The following ENPP1 variants were observed in gnomAD, a reference collection of about 807,000 sequenced individuals.
ENPP1 encodes ectonucleotide pyrophosphatase/phosphodiesterase 1.
A neutral mutation model predicts 122.8 loss-of-function variants in ENPP1; 73 were observed. That is an observed-to-expected ratio of 0.59 (90% CI 0.49 to 0.72). The LOEUF is 0.72. Ranked by LOEUF, ENPP1 falls within the 30% of genes least tolerant of loss-of-function variation. ENPP1 has a pLI of 0.00. For missense variants in ENPP1, 978 were observed against 1,128.1 expected (o/e 0.87, Z 1.91); for synonymous variants, 367 against 391.6 (o/e 0.94, Z 0.74).
chr6:131,891,225 T>C lies in ENPP1; in HGVS notation c.*714T>C, dbSNP rs1782465742. 6.6e-6 allele frequency: 1 copy of C among 152,234 alleles called. No individual in the cohort carries two copies. The highest frequency in any genetic ancestry group is 6.5e-5 in the Admixed American group (1 of 15,278). 9.4% of individuals were successfully genotyped at this position (152,234 alleles called of 1,614,324 possible). A position where few individuals can be genotyped will look rare whatever the true frequency, so the allele number is the denominator to read the frequency against. ...TATTTGTATTTAAAAAAGAAAAATA[T>C]TCCTATCCTGCTCACTGGTAATTAA... On this transcript the variant is annotated 3_prime_UTR_variant, in exon 25 of 25. Coordinates refer to ENST00000647893, the MANE Select transcript of ENPP1 (RefSeq NM_006208.3).
In ENPP1 at chr6:131,847,856, G is replaced by GGTGTGTGTGTGT. The variant is rs59956343; in HGVS notation, c.313+35_313+46dup. ...CAAGCTGTGCCAAAGAAGGTAATTAGGTGTGTGTGTGTGTGTGTGTGTGTG... is the reference window on the plus strand; with the variant it reads ...CAAGCTGTGCCAAAGAAGGTAATTAGGTGTGTGTGTGTGTGTGTGTGTGTGTGTGTGTGTGTG... On this transcript the variant is annotated intron_variant, in intron 2 of 24. Transcript: ENST00000647893. 2.5e-5 allele frequency: 29 copies of GGTGTGTGTGTGT among 1,182,100 alleles called. No individual in the cohort carries two copies. Among genetic ancestry groups the GGTGTGTGTGTGT allele is most frequent in the African/African-American group, 5.1e-5 (3 of 58,804 alleles). 73.2% of individuals were successfully genotyped at this position (1,182,100 alleles called of 1,614,324 possible).
Position 131,820,895 on chromosome 6 carries a change from C to T in ENPP1, c.240+12620C>T, listed in dbSNP as rs140021008. ...AGACAAAAAAGTTTCCTAAATAGTA[C>T]CACAACTGTAGCATAGAGACAAAAT... On this transcript the variant is annotated intron_variant, in intron 1 of 24. Transcript: ENST00000647893. 5.9e-5 allele frequency among the ~76,000 whole-genome samples: 9 copies of T among 152,220 alleles called. No homozygotes were observed. The East Asian group carries it at 1.7e-3, about 29-fold the overall frequency.
intron 1 of ENPP1, chr6:131,827,743 C>A: frequency 1.4e-6 from 1 of 700,144 alleles, no homozygotes; most frequent in East Asian, 2.8e-5. Flanking sequence ...CTTGTCCAGG[C>A]CACTGGAAGT....
intron 1 of ENPP1, among the ~76,000 whole-genome samples, chr6:131,822,464 A>G (rs2114660962): frequency 6.6e-6 from 1 of 152,290 alleles, no homozygotes; most frequent in Middle Eastern, 3.4e-3. Flanking sequence ...CCCCATTGCT[A>G]TAAAAATACT....
intron 20 of ENPP1, among the ~76,000 whole-genome samples, chr6:131,881,123 G>A (rs115890234): frequency 0.014 from 2,144 of 152,242 alleles, 58 homozygotes; most frequent in African/African-American, 0.049. Flanking sequence ...GCATAGTGGA[G>A]GGCAGCAGTT....
chr6:131,883,787 A>T lies in ENPP1; in HGVS notation c.2311+13A>T, dbSNP rs767981800. ...CAGAGTTTTCAAGGTAAATAATGTT[A>T]ACTCTATATTTGATAATTTTAATGA... On this transcript the variant is annotated intron_variant, in intron 22 of 24. Coordinates refer to ENST00000647893, the MANE Select transcript of ENPP1 (RefSeq NM_006208.3). 1 of 1,273,264 alleles carries T rather than the reference A, an allele frequency of 7.9e-7. No homozygotes were observed. The highest frequency in any genetic ancestry group is 2.3e-5 in the East Asian group (1 of 43,078). 78.9% of individuals were successfully genotyped at this position (1,273,264 alleles called of 1,614,324 possible). A position where few individuals can be genotyped will look rare whatever the true frequency, so the allele number is the denominator to read the frequency against.
intron 9 of ENPP1, among the ~76,000 whole-genome samples, chr6:131,863,416 A>G (rs1309780754): frequency 6.6e-6 from 1 of 152,192 alleles, no homozygotes; most frequent in East Asian, 1.9e-4. Flanking sequence ...TTATTTTTAA[A>G]TTATAAAATT....
At chr6:131,819,886 C>T in intron 1 of ENPP1, 1 of 482,612 alleles carries the variant, frequency 2.1e-6, no homozygotes. Context: ...GGAGAGTTTC[C>T]CAGTGGCCCT....
intron 11 of ENPP1, among the ~76,000 whole-genome samples, chr6:131,865,603 G>A (rs538191793): frequency 6.8e-4 from 104 of 152,242 alleles, no homozygotes; most frequent in African/African-American, 2.1e-3. Flanking sequence ...CAGTTTTCAC[G>A]TGGCCATATC....
intron 1 of ENPP1, among the ~76,000 whole-genome samples, chr6:131,830,344 G>A: frequency 6.6e-6 from 1 of 152,288 alleles, no homozygotes; most frequent in Admixed American, 6.5e-5. Flanking sequence ...TGGTCCAGGA[G>A]GGGGCAAGCT....
intron 1 of ENPP1, among the ~76,000 whole-genome samples, chr6:131,832,739 G>T (rs59650007): frequency 0.03 from 4,492 of 152,208 alleles, 232 homozygotes; most frequent in African/African-American, 0.1. Context: ...GGCTGGCCAG[G>T]CATCTTTCTG....
In ENPP1 at chr6:131,881,665, C is replaced by T. The variant is rs1313636718; in HGVS notation, c.2101-680C>T. ...TTGGGGGGCTGAGGAGGGCAGATCA[C>T]GAGGTCAGGAGTTCGAGACCATCCT... On this transcript the variant is annotated intron_variant, in intron 20 of 24. Transcript: ENST00000647893. Among the ~76,000 whole-genome samples the T allele has an allele frequency of 3.9e-5, 6 of 152,190 alleles. 1 individual carries two copies. The highest frequency in any genetic ancestry group is 3.4e-3 in the Middle Eastern group (1 of 294).
chr6:131,863,478 T>C (rs1452428599), intron 9 of ENPP1, among the ~76,000 whole-genome samples: 1 of 152,114 alleles, frequency 6.6e-6, no homozygotes, highest in Non-Finnish European at 1.5e-5. Flanking sequence ...ACAGAAAATA[T>C]CTTAAATCCC....
intron 1 of ENPP1, among the ~76,000 whole-genome samples, chr6:131,834,758 A>G (rs1356260379): frequency 1.3e-5 from 2 of 151,660 alleles, no homozygotes; most frequent in Non-Finnish European, 2.9e-5. Context: ...ACGGGGTTTC[A>G]CCATGTTGGC....
intron 5 of ENPP1, 145 bp downstream of exon 5, chr6:131,852,380 G>C: frequency 1.6e-6 from 1 of 639,166 alleles, no homozygotes; most frequent in Non-Finnish European, 2.7e-6. Context: ...AAAATGTTTG[G>C]TATGAGAACT....
intron 1 of ENPP1, among the ~76,000 whole-genome samples, chr6:131,814,614 A>G (rs1022143382): frequency 6.6e-6 from 1 of 152,176 alleles, no homozygotes; most frequent in Non-Finnish European, 1.5e-5. Context: ...ATGATCCATT[A>G]TCTTAACTCT....
At chr6:131,872,378 GA>G (rs1412128364) in intron 14 of ENPP1, among the ~76,000 whole-genome samples, 1 of 152,058 alleles carries the variant, frequency 6.6e-6, no homozygotes, top group African/African-American at 2.4e-5. Context: ...TTTTAAAGTA[GA>G]AGGAAAAACC....
chr6:131,816,895 T>A (rs567107708), intron 1 of ENPP1, among the ~76,000 whole-genome samples: 3 of 152,272 alleles, frequency 2.0e-5, no homozygotes, highest in Middle Eastern at 6.8e-3. Context: ...AGATAAGGAA[T>A]CTGAGGCTCA....
At chr6:131,824,274 C>T (rs1264819690) in intron 1 of ENPP1, among the ~76,000 whole-genome samples, 1 of 151,782 alleles carries the variant, frequency 6.6e-6, no homozygotes, top group Non-Finnish European at 1.5e-5. Context: ...GACAGGCGAG[C>T]AGAAGAGGAT....
Sources: gnomAD v4.1 joint callset for allele counts (sites outside exome capture counted in the v4.1 genomes callset) on GRCh38, gnomAD v4.1.1 for gene constraint, MANE v1.5 for transcripts, NCBI Gene and HGNC (gene_info 2026-07-23, HGNC 2026-07-21) for gene names.